ESRP1: variants seen among roughly 807,000 people sequenced by gnomAD.
ESRP1 encodes the protein epithelial splicing regulatory protein 1.
In ESRP1, 33 loss-of-function variants were observed where a neutral mutation model predicts 81.7. That is an observed-to-expected ratio of 0.40 (90% CI 0.31 to 0.54). The LOEUF (loss-of-function observed/expected upper bound fraction) is 0.54, where lower values mean the gene tolerates loss of function less well. Ranked by LOEUF, ESRP1 falls within the 20% of genes least tolerant of loss-of-function variation. The pLI is 0.41. For missense variants in ESRP1, 672 were observed against 833.1 expected (o/e 0.81, Z 2.38); for synonymous variants, 320 against 303.3 (o/e 1.06, Z -0.57).
intron 1 of ESRP1, 64 bp from the exon 2 acceptor site, chr8:94,641,892 A>C (rs995756501): frequency 1.9e-6 from 3 of 1,593,776 alleles, no homozygotes; most frequent in Non-Finnish European, 2.6e-6. Flanking sequence ...GGAGCGAGGG[A>C]GGAGGGTGCA....
chr8:94,642,187 G>T, intron 2 of ESRP1, 103 bp downstream of exon 2: 9 of 1,421,412 alleles, frequency 6.3e-6, no homozygotes, highest in South Asian at 1.4e-5. Context: ...GCAGGGTGGC[G>T]AGACGCCTGC....
At chr8:94,647,184 G>A (rs944235466) in intron 4 of ESRP1, among the ~76,000 whole-genome samples, 2 of 152,002 alleles carry the variant, frequency 1.3e-5, no homozygotes, top group African/African-American at 4.8e-5. Flanking sequence ...ATAACTACTT[G>A]TAAACAGGTC....
Position 94,685,589 on chromosome 8 carries a change from G to A in ESRP1, c.1821-7088G>A, listed in dbSNP as rs950977563. Among the ~76,000 whole-genome samples, 8 of 152,188 alleles carry A rather than the reference G, an allele frequency of 5.3e-5. No homozygotes were observed. The South Asian group carries it at 8.3e-4, about 16-fold the overall frequency. On this transcript the variant is annotated intron_variant, in intron 13 of 15. Coordinates refer to ENST00000433389, the MANE Select transcript of ESRP1 (RefSeq NM_017697.4). ...GGCTGAGGAGAGCAAATCACCTGAG[G>A]TTAGGAGTTCAAGACCATCCTGGCC... is the stretch of plus-strand genomic sequence containing the variant.
intron 4 of ESRP1, among the ~76,000 whole-genome samples, chr8:94,655,117 AT>A (rs753553071): frequency 2.1e-5 from 3 of 142,914 alleles, no homozygotes; most frequent in Non-Finnish European, 3.0e-5. Flanking sequence ...GTTTTTTTTG[AT>A]ACGGCGTCTC....
chr8:94,677,849 A>T (rs549905936), intron 12 of ESRP1, among the ~76,000 whole-genome samples: 8 of 152,206 alleles, frequency 5.3e-5, no homozygotes, highest in Non-Finnish European at 8.8e-5. Context: ...TATGAAACTT[A>T]AACATCAGTT....
intron 13 of ESRP1, 56 bp from the exon 14 acceptor site, chr8:94,692,621 G>C: frequency 6.5e-7 from 1 of 1,531,294 alleles, no homozygotes; most frequent in Non-Finnish European, 8.9e-7. Flanking sequence ...TGTTTTTATA[G>C]TAAGTATTCA....
intron 13 of ESRP1, among the ~76,000 whole-genome samples, chr8:94,689,345 G>A (rs1329202162): frequency 6.7e-6 from 1 of 149,144 alleles, no homozygotes; most frequent in Non-Finnish European, 1.5e-5. Flanking sequence ...ATGTTTTGTA[G>A]TTTTCAGTGT....
chr8:94,705,156 CTTTTTTTTTTTTTTTTTT>C (rs57801249), intron 15 of ESRP1, among the ~76,000 whole-genome samples: 1 of 90,558 alleles, frequency 1.1e-5, no homozygotes, highest in Non-Finnish European at 2.1e-5. Flanking sequence ...TGCCTTATTG[CTTTTTTTTTTTTTTTTTT>C]TTTTTTTTTT....
intron 10 of ESRP1, among the ~76,000 whole-genome samples, chr8:94,669,641 G>A (rs148007378): frequency 5.6e-4 from 85 of 152,086 alleles, no homozygotes; most frequent in Non-Finnish European, 9.1e-4. Context: ...CAAGGCGAGC[G>A]GATTGCCTGA....
At chr8:94,669,898 T>G (rs1198225680) in intron 10 of ESRP1, among the ~76,000 whole-genome samples, 1 of 151,128 alleles carries the variant, frequency 6.6e-6, no homozygotes. Flanking sequence ...AAAAAAAAAT[T>G]TATACCTTTT....
rs1036877859 is a variant in ESRP1 at position 94,642,158 on chromosome 8, G to C, written c.261+74G>C. 3 of 1,527,554 alleles carry C rather than the reference G, an allele frequency of 2.0e-6. No homozygotes were observed. The African/African-American group carries it at 4.1e-5, about 21-fold the overall frequency. The allele number at this position is 1,527,554 out of a possible 1,614,324, so 94.6% of individuals were successfully genotyped here. On this transcript the variant is annotated intron_variant, in intron 2 of 15. Coordinates refer to ENST00000433389, the MANE Select transcript of ESRP1 (RefSeq NM_017697.4). ...CCGCACCCTACGCCCTCTCAGGGCG[G>C]CCCACGCGTGTTCCCGGAGCAGGGT...
At chr8:94,693,605 A>G (rs947256180) in intron 14 of ESRP1, among the ~76,000 whole-genome samples, 1 of 152,310 alleles carries the variant, frequency 6.6e-6, no homozygotes, top group Non-Finnish European at 1.5e-5. Context: ...TTATTGTACT[A>G]ATAGCAAAAA....
chr8:94,686,193 T>C (rs1809133020), intron 13 of ESRP1, among the ~76,000 whole-genome samples: 1 of 152,200 alleles, frequency 6.6e-6, no homozygotes, highest in Non-Finnish European at 1.5e-5. Flanking sequence ...CCTCCCAAAG[T>C]GCTGGGATTA....
intron 15 of ESRP1, among the ~76,000 whole-genome samples, chr8:94,704,175 CTT>C (rs34541416): frequency 1.0e-4 from 13 of 128,974 alleles, no homozygotes; most frequent in Non-Finnish European, 1.4e-4. Flanking sequence ...GCTTCTGAGA[CTT>C]TTTTTTTTTT....
intron 6 of ESRP1, among the ~76,000 whole-genome samples, chr8:94,663,489 A>G (rs1259038030): frequency 6.6e-6 from 1 of 151,798 alleles, no homozygotes; most frequent in Admixed American, 6.6e-5. Context: ...CATGTGATCT[A>G]CCCACCTTGA....
intron 13 of ESRP1, among the ~76,000 whole-genome samples, chr8:94,680,250 A>G (rs1340132919): frequency 6.6e-6 from 1 of 152,206 alleles, no homozygotes; most frequent in African/African-American, 2.4e-5. Flanking sequence ...TAATACTTCC[A>G]AATTAACCCC....
intron 4 of ESRP1, among the ~76,000 whole-genome samples, chr8:94,653,828 T>C (rs1818272341): frequency 6.6e-6 from 1 of 152,168 alleles, no homozygotes; most frequent in South Asian, 2.1e-4. Flanking sequence ...AAATCAAGTA[T>C]ACAGTTAAGC....
At chr8:94,656,387 T>G (rs906391117) in intron 4 of ESRP1, among the ~76,000 whole-genome samples, 3 of 148,356 alleles carry the variant, frequency 2.0e-5, no homozygotes, top group African/African-American at 7.4e-5. Context: ...CCCGGCTAAT[T>G]TTTTGTATTT....
At chr8:94,665,341 T>A (rs1280674361) in intron 9 of ESRP1, 145 bp downstream of exon 9, 1 of 825,582 alleles carries the variant, frequency 1.2e-6, no homozygotes, top group Non-Finnish European at 1.9e-6. Context: ...TCCCCAGAGG[T>A]AGAAGCTTCC....
Sources: gnomAD v4.1 joint callset for allele counts (sites outside exome capture counted in the v4.1 genomes callset) on GRCh38, gnomAD v4.1.1 for gene constraint, MANE v1.5 for transcripts, NCBI Gene and HGNC (gene_info 2026-07-23, HGNC 2026-07-21) for gene names.